The following PDZRN4 variants were observed in gnomAD, a reference collection of about 807,000 sequenced individuals.
PDZRN4 encodes PDZ domain containing ring finger 4.
PDZRN4 carries 70 observed loss-of-function variants against 99.0 expected under a neutral mutation model. The observed-to-expected ratio is 0.71, with a 90% CI of 0.58 to 0.86. PDZRN4 has a LOEUF of 0.86. Among genes scored for constraint, PDZRN4 ranks in the 40% least tolerant of loss-of-function variants. PDZRN4 has a pLI of 0.00. For synonymous variants in PDZRN4, 551 were observed against 501.6 expected (o/e 1.10, Z -1.32); for missense variants, 1,474 against 1,331.2 (o/e 1.11, Z -1.67).
intron 2 of PDZRN4, among the ~76,000 whole-genome samples, chr12:41,193,683 C>G (rs1591962315): frequency 1.3e-5 from 2 of 152,216 alleles, no homozygotes; most frequent in African/African-American, 4.8e-5. Flanking sequence ...CATCTCAAAC[C>G]AGTTATACAG....
intron 3 of PDZRN4, among the ~76,000 whole-genome samples, chr12:41,269,575 T>G (rs1464956398): frequency 6.6e-6 from 1 of 152,160 alleles, no homozygotes; most frequent in Non-Finnish European, 1.5e-5. Flanking sequence ...AAAATAATTT[T>G]CAAATTCTTT....
At chr12:41,397,297 T>C (rs1479548540) in intron 3 of PDZRN4, among the ~76,000 whole-genome samples, 1 of 152,190 alleles carries the variant, frequency 6.6e-6, no homozygotes, top group African/African-American at 2.4e-5. Context: ...TAAGGATGTG[T>C]TTAGCTTTGT....
chr12:41,459,393 A>G (rs990243761), intron 3 of PDZRN4, among the ~76,000 whole-genome samples: 1 of 152,188 alleles, frequency 6.6e-6, no homozygotes, highest in Non-Finnish European at 1.5e-5. Context: ...TTGAAACTCC[A>G]TATGCCTCTT....
intron 3 of PDZRN4, among the ~76,000 whole-genome samples, chr12:41,455,249 T>C (rs1052624246): frequency 6.6e-6 from 1 of 152,142 alleles, no homozygotes; most frequent in African/African-American, 2.4e-5. Flanking sequence ...AAAATATGAA[T>C]CCCATGGAAT....
rs117607849 is a variant in PDZRN4, at chr12:41,300,128, T to C, written c.843+105940T>C. Among the ~76,000 whole-genome samples the C allele has an allele frequency of 2.0e-3, 303 of 152,080 alleles. 2 individuals are homozygous for C. Among genetic ancestry groups the C allele is most frequent in the Admixed American group, 2.9e-3 (45 of 15,260 alleles). On this transcript the variant is annotated intron_variant, in intron 3 of 9. Coordinates refer to ENST00000402685, the MANE Select transcript of PDZRN4 (RefSeq NM_001164595.2). Reference sequence around the variant, plus strand: ...TCTTTAGGTATATATTACTGATAAGTACATTCTAAAACGGAAAATACTATG... The same window carrying C: ...TCTTTAGGTATATATTACTGATAAGCACATTCTAAAACGGAAAATACTATG...
chr12:41,483,407 T>C (rs1937714022), intron 3 of PDZRN4, among the ~76,000 whole-genome samples: 1 of 152,096 alleles, frequency 6.6e-6, no homozygotes, highest in Non-Finnish European at 1.5e-5. Context: ...TTGAACAGGA[T>C]CCTAAATCTC....
chr12:41,538,535 T>A (rs1251730722), intron 5 of PDZRN4, among the ~76,000 whole-genome samples: 2 of 152,164 alleles, frequency 1.3e-5, no homozygotes, highest in African/African-American at 4.8e-5. Context: ...GAAGAATAGA[T>A]AATGCAGTGA....
chr12:41,573,783 A>G lies in PDZRN4; in HGVS notation c.3004A>G (p.Lys1002Glu). Residue 1002 changes from lysine to glutamate, a missense_variant, in exon 10 of 10, where the codon AAA becomes GAA. Transcript: ENST00000402685. ...AAAGATGATGAAAAAGAGAAACAAG[A>G]AAATTTTGGACAACTGGATGACAAT... The part of the protein sequence containing the change: ...HKKMMKKRNK[K>E]ILDNWMTIQE... 2 of 1,613,884 alleles carry G rather than the reference A, an allele frequency of 1.2e-6. No homozygotes were observed. The highest frequency in any genetic ancestry group is 2.2e-5 in the East Asian group (1 of 44,854).
rs185393119 is a variant in PDZRN4 at position 41,325,354 on chromosome 12, A to C, written c.843+131166A>C. Among the ~76,000 whole-genome samples the C allele has an allele frequency of 3.3e-3, 504 of 152,314 alleles. 7 individuals are homozygous for C. Among genetic ancestry groups the C allele is most frequent in the African/African-American group, 0.012 (485 of 41,584 alleles). ...AATTTGCAGATTATACTGAAAATAA[A>C]ATGAACCAAGATTCATTTGTATGCA... On this transcript the variant is annotated intron_variant, in intron 3 of 9. Transcript: ENST00000402685.
At chr12:41,320,262 C>T (rs1471805704) in intron 3 of PDZRN4, among the ~76,000 whole-genome samples, 2 of 152,154 alleles carry the variant, frequency 1.3e-5, no homozygotes, top group Non-Finnish European at 2.9e-5. Context: ...ACTCACAGAC[C>T]TGTGTGGGTG....
chr12:41,547,667 T>A (rs1342124361), intron 5 of PDZRN4, among the ~76,000 whole-genome samples: 1 of 151,984 alleles, frequency 6.6e-6, no homozygotes, highest in Non-Finnish European at 1.5e-5. Context: ...AATGTATGAA[T>A]CACTTCTCAC....
At chr12:41,510,022 A>G in intron 5 of PDZRN4, 109 bp downstream of exon 5, 1 of 570,296 alleles carries the variant, frequency 1.8e-6, no homozygotes. Context: ...TGTCTATTAC[A>G]TATCCAGTGT....
rs184507450 is a variant in PDZRN4, at chr12:41,503,373, G to A, written c.844-3083G>A. Among the ~76,000 whole-genome samples the A allele has an allele frequency of 6.6e-5, 10 of 152,072 alleles. No individual in the cohort carries two copies. In the East Asian group the frequency reaches 1.9e-3, roughly 29 times the overall value. On this transcript the variant is annotated intron_variant, in intron 3 of 9. Coordinates refer to ENST00000402685, the MANE Select transcript of PDZRN4 (RefSeq NM_001164595.2). ...GTTCTTAGAGAAAAGAATGAAATTT[G>A]CATATAAATTTCATGATAATAAATA...
chr12:41,366,651 G>A (rs1952002520), intron 3 of PDZRN4, among the ~76,000 whole-genome samples: 1 of 151,934 alleles, frequency 6.6e-6, no homozygotes, highest in Non-Finnish European at 1.5e-5. Flanking sequence ...CAATAAAATG[G>A]GTATTAATGG....
intron 3 of PDZRN4, among the ~76,000 whole-genome samples, chr12:41,303,954 A>T (rs1173513624): frequency 6.6e-6 from 1 of 152,208 alleles, no homozygotes; most frequent in Non-Finnish European, 1.5e-5. Flanking sequence ...ACTGTGAACA[A>T]GACACAAACT....
At chr12:41,240,023 A>C (rs570327558) in intron 3 of PDZRN4, among the ~76,000 whole-genome samples, 1 of 152,230 alleles carries the variant, frequency 6.6e-6, no homozygotes, top group Admixed American at 6.5e-5. Context: ...CTTGGGCAGC[A>C]TGGAGTAAAT....
chr12:41,260,155 C>A (rs1037786340), intron 3 of PDZRN4, among the ~76,000 whole-genome samples: 2 of 152,094 alleles, frequency 1.3e-5, no homozygotes, highest in Non-Finnish European at 1.5e-5. Context: ...ATTGTTCTTT[C>A]TTTTGGCCAA....
chr12:41,555,960 A>G lies in PDZRN4; in HGVS notation c.1365+200A>G, dbSNP rs572142212. ...TATTAAGAGTGATTAGCTAATAATT[A>G]GTGGTTCAAATACCATCTCTGGAGT... On this transcript the variant is annotated intron_variant, in intron 7 of 9. Transcript: ENST00000402685. Among the ~76,000 whole-genome samples the G allele has an allele frequency of 1.8e-3, 278 of 152,272 alleles. 1 individual carries two copies. The highest frequency in any genetic ancestry group is 5.7e-3 in the African/African-American group (237 of 41,544).
intron 9 of PDZRN4, among the ~76,000 whole-genome samples, chr12:41,571,249 C>T (rs17129517): frequency 0.026 from 3,887 of 151,114 alleles, 174 homozygotes; most frequent in African/African-American, 0.091. Flanking sequence ...AGTAACTTTA[C>T]CATATTCACA....
Sources: gnomAD v4.1 joint callset for allele counts (sites outside exome capture counted in the v4.1 genomes callset) on GRCh38, gnomAD v4.1.1 for gene constraint, MANE v1.5 for transcripts, NCBI Gene and HGNC (gene_info 2026-07-23, HGNC 2026-07-21) for gene names.